RIN2: variants seen among roughly 807,000 people sequenced by gnomAD.
RIN2 encodes the protein RAB5 interacting protein 2.
A neutral mutation model predicts 78.0 loss-of-function variants in RIN2; 36 were observed. The ratio of observed to expected loss-of-function variants is 0.46; its 90% confidence interval spans 0.35 to 0.61. The LOEUF (loss-of-function observed/expected upper bound fraction) is 0.61. RIN2 is among the 20% of genes least tolerant of loss of function. The pLI is 0.00. For synonymous variants in RIN2, 466 were observed against 466.8 expected (o/e 1.00, Z 0.02); for missense variants, 1,087 against 1,159.7 (o/e 0.94, Z 0.91).
chr20:19,908,629 A>C (rs555344085), intron 3 of RIN2, among the ~76,000 whole-genome samples: 1 of 152,358 alleles, frequency 6.6e-6, no homozygotes, highest in East Asian at 1.9e-4. Flanking sequence ...GAAAAATTCA[A>C]GTAACCCCAA....
At position 19,889,609 on chromosome 20, in the gene RIN2, C is replaced by T; in HGVS notation, c.8C>T (p.Ala3Val). The change falls in exon 3 of 13, where the codon GCT (alanine) becomes GTT (valine). Residue 3 changes from alanine (A) to valine (V), a missense_variant. Coordinates refer to ENST00000255006, the MANE Select transcript of RIN2 (RefSeq NM_018993.4). ...GGAGCCTCGCTGGGGGAAATGACAG[C>T]TTGGACCATGGGCGCCCGCGGTCTG... MT[A>V]WTMGARGLDK... 3.2e-6 allele frequency: 5 copies of T among 1,552,544 alleles called. No individual in the cohort carries two copies. The highest frequency in any genetic ancestry group is 4.4e-6 in the Non-Finnish European group (5 of 1,147,486).
At chr20:19,833,028 G>A (rs142835893) in intron 2 of RIN2, among the ~76,000 whole-genome samples, 226 of 152,090 alleles carry the variant, frequency 1.5e-3, no homozygotes, top group African/African-American at 4.3e-3. Flanking sequence ...CTCCTAAGCC[G>A]GATTACCCTG....
intron 1 of RIN2, among the ~76,000 whole-genome samples, chr20:19,761,618 G>C (rs2033644724): frequency 6.6e-6 from 1 of 152,128 alleles, no homozygotes; most frequent in Non-Finnish European, 1.5e-5. Flanking sequence ...AACTTCCAAG[G>C]AATGTTGATT....
intron 4 of RIN2, among the ~76,000 whole-genome samples, chr20:19,936,964 A>G (rs1600864534): frequency 6.6e-6 from 1 of 152,244 alleles, no homozygotes; most frequent in East Asian, 1.9e-4. Context: ...TGTTCATATT[A>G]AACTACTGTT....
At chr20:19,780,737 CTAAT>C (rs1438514253) in intron 1 of RIN2, among the ~76,000 whole-genome samples, 1 of 152,168 alleles carries the variant, frequency 6.6e-6, no homozygotes, top group Non-Finnish European at 1.5e-5. Flanking sequence ...TCTGGGCAAA[CTAAT>C]TAACCTCTCT....
chr20:19,827,548 T>C (rs1600551204), intron 2 of RIN2, among the ~76,000 whole-genome samples: 1 of 152,216 alleles, frequency 6.6e-6, no homozygotes, highest in African/African-American at 2.4e-5. Flanking sequence ...TTAATTCTCC[T>C]GAGTGCTTGA....
intron 2 of RIN2, among the ~76,000 whole-genome samples, chr20:19,851,890 C>T (rs767587169): frequency 6.6e-6 from 1 of 152,176 alleles, no homozygotes; most frequent in Non-Finnish European, 1.5e-5. Flanking sequence ...GCACTTCTTT[C>T]TCACACTTAC....
intron 2 of RIN2, among the ~76,000 whole-genome samples, chr20:19,800,841 A>G (rs1213268687): frequency 6.6e-6 from 1 of 152,250 alleles, no homozygotes; most frequent in Non-Finnish European, 1.5e-5. Context: ...TTGCTTGTTT[A>G]CAAGTAAGAA....
chr20:19,887,068 C>T (rs984189137), intron 2 of RIN2, among the ~76,000 whole-genome samples: 1 of 151,652 alleles, frequency 6.6e-6, no homozygotes, highest in African/African-American at 2.4e-5. Context: ...CTCTGTCGCT[C>T]AGGCCAAAGT....
intron 2 of RIN2, among the ~76,000 whole-genome samples, chr20:19,872,720 G>T (rs1051643131): frequency 1.3e-5 from 2 of 152,044 alleles, no homozygotes; most frequent in Non-Finnish European, 2.9e-5. Flanking sequence ...ATATTCTAAA[G>T]GTAAAATCAT....
chr20:20,002,106 GAGA>G lies in RIN2; in HGVS notation c.*1175_*1177del, dbSNP rs2043155710. ...GAGTTAAATAAGATGCTATATAATG[GAGA>G]AGAATTTGAAAATGCACAAAAAAAT... On this transcript the variant is annotated 3_prime_UTR_variant, in exon 13 of 13. Coordinates refer to ENST00000255006, the MANE Select transcript of RIN2 (RefSeq NM_018993.4). 1 of 152,190 alleles carries G rather than the reference GAGA, an allele frequency of 6.6e-6. No homozygotes were observed. Among genetic ancestry groups the G allele is most frequent in the Admixed American group, 6.5e-5 (1 of 15,274 alleles). 9.4% of individuals were successfully genotyped at this position (152,190 alleles called of 1,614,324 possible). A position where few individuals can be genotyped will look rare whatever the true frequency, so the allele number is the denominator to read the frequency against.
At chr20:19,936,161 T>G (rs2040635058) in intron 4 of RIN2, among the ~76,000 whole-genome samples, 1 of 152,150 alleles carries the variant, frequency 6.6e-6, no homozygotes, top group Admixed American at 6.5e-5. Context: ...ATACCCGATG[T>G]CTCTGGGGGA....
At chr20:19,922,695 T>A (rs756913303) in intron 3 of RIN2, among the ~76,000 whole-genome samples, 2 of 152,168 alleles carry the variant, frequency 1.3e-5, no homozygotes, top group African/African-American at 2.4e-5. Flanking sequence ...TCAGACCCCA[T>A]GTCCCTGTGG....
intron 7 of RIN2, among the ~76,000 whole-genome samples, chr20:19,968,543 C>T (rs1193698121): frequency 6.6e-6 from 1 of 152,120 alleles, no homozygotes; most frequent in African/African-American, 2.4e-5. Flanking sequence ...GGAGACGATG[C>T]ATATACAACA....
chr20:19,761,201 G>A (rs2033626207), intron 1 of RIN2, among the ~76,000 whole-genome samples: 1 of 152,216 alleles, frequency 6.6e-6, no homozygotes, highest in Admixed American at 6.5e-5. Context: ...TTTTGTAGGT[G>A]AGGAAATGAA....
chr20:19,853,285 A>T (rs1284221097), intron 2 of RIN2, among the ~76,000 whole-genome samples: 1 of 152,032 alleles, frequency 6.6e-6, no homozygotes, highest in East Asian at 1.9e-4. Flanking sequence ...TCTATCATTG[A>T]TGGACATTTG....
chr20:19,907,456 C>T (rs1464906828), intron 3 of RIN2, among the ~76,000 whole-genome samples: 1 of 152,220 alleles, frequency 6.6e-6, no homozygotes, highest in Non-Finnish European at 1.5e-5. Context: ...GCCAAACCCT[C>T]AGCTGGACAC....
intron 2 of RIN2, among the ~76,000 whole-genome samples, chr20:19,854,054 G>A (rs1445662449): frequency 1.3e-5 from 2 of 152,150 alleles, no homozygotes; most frequent in African/African-American, 2.4e-5. Context: ...ATTAATTTTT[G>A]TATAAGGTGT....
Position 19,766,517 on chromosome 20 carries a change from T to C in RIN2, c.-163+8190T>C, listed in dbSNP as rs1039597661. On this transcript the variant is annotated intron_variant, in intron 1 of 12. Coordinates refer to ENST00000255006, the MANE Select transcript of RIN2 (RefSeq NM_018993.4). ...ACAGAAGGGGTACTTCATCCTTTCC[T>C]GGGCATCAGAAAAGGATTCACAATG... Among the ~76,000 whole-genome samples the C allele has an allele frequency of 2.6e-5, 4 of 152,156 alleles. No individual in the cohort carries two copies. In the East Asian group the frequency reaches 7.7e-4, roughly 29 times the overall value.
Sources: gnomAD v4.1 joint callset for allele counts (sites outside exome capture counted in the v4.1 genomes callset) on GRCh38, gnomAD v4.1.1 for gene constraint, MANE v1.5 for transcripts, NCBI Gene and HGNC (gene_info 2026-07-23, HGNC 2026-07-21) for gene names.